NXPE4: variants seen among roughly 807,000 people sequenced by gnomAD.
NXPE4 encodes neurexophilin and PC-esterase domain family member 4.
In NXPE4, 42 loss-of-function variants were observed where a neutral mutation model predicts 33.3. The ratio of observed to expected loss-of-function variants is 1.26; its 90% CI spans 0.98 to 1.63. The LOEUF (loss-of-function observed/expected upper bound fraction) is 1.63. Among genes scored for constraint, NXPE4 ranks in the 40% most tolerant of loss-of-function variants. The pLI, the probability that NXPE4 is intolerant of heterozygous loss-of-function variation, is 0.00. For missense variants in NXPE4, 709 were observed against 647.6 expected, an observed-to-expected ratio of 1.09 and a Z score of -1.03; for synonymous variants, 253 against 234.9, an observed-to-expected ratio of 1.08 and a Z score of -0.71.
At chr11:114,661,346 G>A in the NXPE4 span, among the ~76,000 whole-genome samples, 1 of 152,172 alleles carries the variant, frequency 6.6e-6, no homozygotes, top group Admixed American at 6.6e-5. Context: ...AGGTTCTTGA[G>A]TCTGGTCCAG....
Position 114,581,795 on chromosome 11 carries a change from C to T in NXPE4, c.831-9G>A, listed in dbSNP as rs1037164597. ...CTACACCCACATTTGACCTTAAAGA[C>T]ACAAATACAGAAATTAATCTGTAGG... is the stretch of plus-strand genomic sequence containing the variant. On this transcript the variant is annotated splice_polypyrimidine_tract_variant and intron_variant, in intron 3 of 5. Transcript: ENST00000375478. 23 of 1,595,524 alleles carry T rather than the reference C, an allele frequency of 1.4e-5. No homozygotes were observed. The highest frequency in any genetic ancestry group is 1.9e-5 in the Non-Finnish European group (22 of 1,167,536).
chr11:114,587,951 C>T (rs1412013548), intron 2 of NXPE4, among the ~76,000 whole-genome samples: 1 of 152,124 alleles, frequency 6.6e-6, no homozygotes, highest in Non-Finnish European at 1.5e-5. Flanking sequence ...TACTATCCAA[C>T]AATTAGATAT....
chr11:114,670,851 G>A, the NXPE4 span, among the ~76,000 whole-genome samples: 4 of 151,400 alleles, frequency 2.6e-5, no homozygotes, highest in South Asian at 2.1e-4. Flanking sequence ...AATGACTCAC[G>A]AACAGGAGAA....
At chr11:114,641,492 G>C in the NXPE4 span, among the ~76,000 whole-genome samples, 284 of 152,076 alleles carry the variant, frequency 1.9e-3, no homozygotes, top group Middle Eastern at 0.01. Flanking sequence ...TCAAACATTA[G>C]GGAATGCCAC....
At chr11:114,593,286 G>T (rs1949503964) in intron 2 of NXPE4, among the ~76,000 whole-genome samples, 1 of 152,110 alleles carries the variant, frequency 6.6e-6, no homozygotes, top group African/African-American at 2.4e-5. Flanking sequence ...TCTGACAGGG[G>T]ATTACTATCC....
At chr11:114,662,659 G>A in the NXPE4 span, among the ~76,000 whole-genome samples, 188 of 152,188 alleles carry the variant, frequency 1.2e-3, no homozygotes, top group African/African-American at 4.3e-3. Flanking sequence ...TTGAGGGGAG[G>A]AGAGGGAAGA....
At chr11:114,617,354 A>T in the NXPE4 span, among the ~76,000 whole-genome samples, 2,466 of 150,852 alleles carry the variant, frequency 0.016, 75 homozygotes, top group African/African-American at 0.055. Context: ...GATAATAAGT[A>T]TTACGTCATT....
the NXPE4 span, among the ~76,000 whole-genome samples, chr11:114,632,442 T>C: frequency 7.7e-6 from 1 of 130,542 alleles, no homozygotes; most frequent in Non-Finnish European, 1.6e-5. Flanking sequence ...ATATATAATA[T>C]ATAATTTATA....
At chr11:114,651,744 T>G in the NXPE4 span, among the ~76,000 whole-genome samples, 2 of 152,182 alleles carry the variant, frequency 1.3e-5, no homozygotes, top group South Asian at 4.1e-4. Context: ...GAGCGCTGAT[T>G]GGTGTGTTTT....
At chr11:114,655,457 G>A in the NXPE4 span, among the ~76,000 whole-genome samples, 494 of 152,232 alleles carry the variant, frequency 3.2e-3, 12 homozygotes, top group Admixed American at 0.03. Context: ...TATGGTTTGA[G>A]GTTTTACATT....
chr11:114,625,278 G>A, the NXPE4 span, among the ~76,000 whole-genome samples: 1 of 152,158 alleles, frequency 6.6e-6, no homozygotes, highest in Non-Finnish European at 1.5e-5. Context: ...AATACGAGTT[G>A]CCTCATGCGT....
At chr11:114,576,089 A>G (rs1030423660) in intron 5 of NXPE4, among the ~76,000 whole-genome samples, 3 of 152,206 alleles carry the variant, frequency 2.0e-5, no homozygotes, top group Admixed American at 6.5e-5. Flanking sequence ...AAACAAAAAC[A>G]TAAAGTAGGG....
chr11:114,597,383 CAGAT>C (rs1177336241), upstream of NXPE4, among the ~76,000 whole-genome samples: 1 of 152,000 alleles, frequency 6.6e-6, no homozygotes, highest in Non-Finnish European at 1.5e-5. Context: ...TGTAAAGAAT[CAGAT>C]AGAAAATATT....
chr11:114,647,707 T>TA, the NXPE4 span, among the ~76,000 whole-genome samples: 11 of 146,246 alleles, frequency 7.5e-5, no homozygotes, highest in African/African-American at 1.6e-4. Flanking sequence ...TTTATTTTAT[T>TA]TTTTTTTTTT....
chr11:114,638,569 C>T, the NXPE4 span, among the ~76,000 whole-genome samples: 1 of 151,882 alleles, frequency 6.6e-6, no homozygotes, highest in South Asian at 2.1e-4. Flanking sequence ...CGTTTTTCTG[C>T]TCTGTTTTTT....
the NXPE4 span, among the ~76,000 whole-genome samples, chr11:114,618,066 G>A: frequency 6.6e-6 from 1 of 152,018 alleles, no homozygotes; most frequent in Non-Finnish European, 1.5e-5. Flanking sequence ...TGGATAATAA[G>A]TGTTGCCTCA....
chr11:114,590,993 A>G, intron 2 of NXPE4, among the ~76,000 whole-genome samples: 1 of 152,174 alleles, frequency 6.6e-6, no homozygotes, highest in South Asian at 2.1e-4. Flanking sequence ...AAAACTGGGG[A>G]ACCTGAACAT....
chr11:114,664,175 G>A, the NXPE4 span, among the ~76,000 whole-genome samples: 1 of 152,184 alleles, frequency 6.6e-6, no homozygotes, highest in East Asian at 1.9e-4. Context: ...ACTGCTGAAT[G>A]CTGTAATTCA....
the NXPE4 span, among the ~76,000 whole-genome samples, chr11:114,643,927 C>G: frequency 6.6e-6 from 1 of 152,036 alleles, no homozygotes; most frequent in African/African-American, 2.4e-5. Context: ...TTTGTGTCCT[C>G]TCTTATTTTC....
Sources: allele counts gnomAD v4.1 joint callset (sites outside exome capture counted in the v4.1 genomes callset), GRCh38; gene constraint gnomAD v4.1.1; transcripts MANE v1.5; gene names NCBI Gene and HGNC (gene_info 2026-07-23, HGNC 2026-07-21).